SPECC1: variants seen among roughly 807,000 people sequenced by gnomAD.
SPECC1 encodes the protein sperm antigen with calponin homology and coiled-coil domains 1.
In SPECC1, 62 loss-of-function variants were observed where a neutral mutation model predicts 104.1. The ratio of observed to expected loss-of-function variants is 0.60; its 90% CI spans 0.49 to 0.74. The LOEUF is 0.74. SPECC1 is among the 30% of genes least tolerant of loss of function. SPECC1 has a pLI of 0.00. For synonymous variants in SPECC1, 513 were observed against 501.6 expected (o/e 1.02, Z -0.30); for missense variants, 1,306 against 1,310.5 (o/e 1.00, Z 0.05).
chr17:20,078,786 T>C (rs567055401), intron 1 of SPECC1, among the ~76,000 whole-genome samples: 1 of 152,352 alleles, frequency 6.6e-6, no homozygotes, highest in East Asian at 1.9e-4. Context: ...AAAATTCATT[T>C]AATAAAAAGC....
At chr17:20,162,239 G>A (rs926939499) in intron 3 of SPECC1, among the ~76,000 whole-genome samples, 11 of 151,720 alleles carry the variant, frequency 7.3e-5, no homozygotes, top group African/African-American at 2.7e-4. Flanking sequence ...TCCACCTCCC[G>A]GGTTCACGCC....
chr17:20,199,885 C>G (rs1330880336), intron 3 of SPECC1, among the ~76,000 whole-genome samples: 1 of 152,114 alleles, frequency 6.6e-6, no homozygotes, highest in African/African-American at 2.4e-5. Context: ...CGCCTCCCGG[C>G]TTTAAGTGAT....
intron 1 of SPECC1, among the ~76,000 whole-genome samples, chr17:20,044,626 G>A (rs1346544136): frequency 6.6e-6 from 1 of 152,216 alleles, no homozygotes; most frequent in African/African-American, 2.4e-5. Context: ...TGGCCATTAT[G>A]AGTAGCAACA....
chr17:20,055,825 G>C (rs2045941833), intron 1 of SPECC1, among the ~76,000 whole-genome samples: 1 of 152,176 alleles, frequency 6.6e-6, no homozygotes, highest in Non-Finnish European at 1.5e-5. Context: ...TAGTCCCACT[G>C]GGCCCCCTCC....
intron 1 of SPECC1, among the ~76,000 whole-genome samples, chr17:20,070,913 G>T (rs2046525645): frequency 6.6e-6 from 1 of 151,722 alleles, no homozygotes; most frequent in Non-Finnish European, 1.5e-5. Flanking sequence ...GCTCAGAGAG[G>T]CCTCTCCTAC....
At chr17:20,181,556 A>G (rs1308372516) in intron 3 of SPECC1, among the ~76,000 whole-genome samples, 1 of 152,112 alleles carries the variant, frequency 6.6e-6, no homozygotes, top group Non-Finnish European at 1.5e-5. Flanking sequence ...AAAATATAAA[A>G]CCTGAAGTAT....
At chr17:20,184,663 T>C (rs2035138359) in intron 3 of SPECC1, among the ~76,000 whole-genome samples, 1 of 152,230 alleles carries the variant, frequency 6.6e-6, no homozygotes. Flanking sequence ...CTGTATATAG[T>C]TTCAAACAAG....
chr17:20,010,550 C>A (rs539176844), intron 1 of SPECC1, among the ~76,000 whole-genome samples: 1 of 152,194 alleles, frequency 6.6e-6, no homozygotes, highest in African/African-American at 2.4e-5. Flanking sequence ...TCCAAGCAAG[C>A]GAGTTGAATT....
intron 3 of SPECC1, among the ~76,000 whole-genome samples, chr17:20,128,213 A>C (rs1290175093): frequency 6.6e-6 from 1 of 152,198 alleles, no homozygotes; most frequent in Admixed American, 6.5e-5. Flanking sequence ...AGTGTTGAGA[A>C]TTCAAATACC....
chr17:20,199,788 C>CTTATT (rs150775542), intron 3 of SPECC1, among the ~76,000 whole-genome samples: 1 of 151,656 alleles, frequency 6.6e-6, no homozygotes, highest in Non-Finnish European at 1.5e-5. Context: ...TATCTTGTGT[C>CTTATT]TTATTTTATT....
chr17:20,149,291 T>C (rs756256726), intron 3 of SPECC1, among the ~76,000 whole-genome samples: 5 of 152,230 alleles, frequency 3.3e-5, no homozygotes, highest in African/African-American at 4.8e-5. Context: ...GGGACTGCTG[T>C]CCTTAGAAAG....
intron 14 of SPECC1, among the ~76,000 whole-genome samples, chr17:20,308,160 G>A (rs1342281080): frequency 6.6e-6 from 1 of 152,084 alleles, no homozygotes; most frequent in Non-Finnish European, 1.5e-5. Context: ...GGCTGAGGTG[G>A]GTGGATCACC....
At chr17:20,164,359 G>T (rs993410849) in intron 3 of SPECC1, among the ~76,000 whole-genome samples, 1 of 151,746 alleles carries the variant, frequency 6.6e-6, no homozygotes, top group Non-Finnish European at 1.5e-5. Context: ...TGCAGACGGG[G>T]TCTCACTGTG....
chr17:20,071,832 T>C (rs185785709), intron 1 of SPECC1, among the ~76,000 whole-genome samples: 180 of 152,362 alleles, frequency 1.2e-3, no homozygotes, highest in African/African-American at 4.1e-3. Flanking sequence ...GTCTGAGAGA[T>C]AAGCACTGTT....
At chr17:20,310,661 C>T (rs2041905555) in intron 14 of SPECC1, among the ~76,000 whole-genome samples, 1 of 152,176 alleles carries the variant, frequency 6.6e-6, no homozygotes, top group South Asian at 2.1e-4. Flanking sequence ...GCCATGTAGT[C>T]CATGAGGGCT....
chr17:20,183,326 A>G lies in SPECC1; in HGVS notation c.284-21007A>G, dbSNP rs8080573. ...TCCGGCAATAATTTTGAGATTGAAA[A>G]TATGTTTCTCTTGAGGAATCCAGGA... On this transcript the variant is annotated intron_variant, in intron 3 of 14. Coordinates refer to ENST00000395527, the MANE Select transcript of SPECC1 (RefSeq NM_001243439.2). Among the ~76,000 whole-genome samples, 1,016 of 152,320 alleles carry G rather than the reference A, an allele frequency of 6.7e-3. 10 individuals carry two copies. Among genetic ancestry groups the G allele is most frequent in the African/African-American group, 0.023 (959 of 41,562 alleles).
chr17:20,181,475 A>G (rs1347384096), intron 3 of SPECC1, among the ~76,000 whole-genome samples: 1 of 152,202 alleles, frequency 6.6e-6, no homozygotes, highest in African/African-American at 2.4e-5. Flanking sequence ...ATCTGCAGCA[A>G]TATTTGTGAA....
intron 3 of SPECC1, among the ~76,000 whole-genome samples, chr17:20,201,623 C>T (rs1276883725): frequency 6.6e-6 from 1 of 152,174 alleles, no homozygotes; most frequent in Non-Finnish European, 1.5e-5. Context: ...AGTTATCTTC[C>T]AGTTTTTAAT....
Position 20,087,873 on chromosome 17 carries a change from C to T in SPECC1, c.-21-8758C>T, listed in dbSNP as rs532486095. On this transcript the variant is annotated intron_variant, in intron 1 of 14. Coordinates refer to ENST00000395527, the MANE Select transcript of SPECC1 (RefSeq NM_001243439.2). ...GGGGCTGTTTGGTGGGGTGGGAGAG[C>T]TACTCTAGAGAGTATAAGAAAGACG... 3.0e-4 allele frequency among the ~76,000 whole-genome samples: 45 copies of T among 152,204 alleles called. No individual in the cohort carries two copies. In the South Asian group the frequency reaches 3.9e-3, roughly 13 times the overall value.
Sources: gnomAD v4.1 joint callset for allele counts (sites outside exome capture counted in the v4.1 genomes callset) on GRCh38, gnomAD v4.1.1 for gene constraint, MANE v1.5 for transcripts, NCBI Gene and HGNC (gene_info 2026-07-23, HGNC 2026-07-21) for gene names.